Variants in INO80D observed in about 807,000 individuals in gnomAD.
INO80D encodes the protein INO80 complex subunit D.
Under a neutral mutation model 87.6 loss-of-function variants are expected in INO80D, and 21 were observed. That is an observed-to-expected ratio of 0.24 (90% CI 0.17 to 0.35). The LOEUF (loss-of-function observed/expected upper bound fraction) is 0.35. INO80D is among the 10% of genes least tolerant of loss of function. The pLI is 1.00. For synonymous variants in INO80D, 440 were observed against 491.0 expected, an observed-to-expected ratio of 0.90 and a Z score of 1.37; for missense variants, 982 against 1,280.7, an observed-to-expected ratio of 0.77 and a Z score of 3.56.
intron 6 of INO80D, among the ~76,000 whole-genome samples, chr2:206,020,485 TG>T (rs1257924766): frequency 6.6e-6 from 1 of 152,184 alleles, no homozygotes; most frequent in Non-Finnish European, 1.5e-5. Context: ...ATCTCATACA[TG>T]GGGAAGAGGA....
At chr2:206,023,535 T>A in intron 6 of INO80D, among the ~76,000 whole-genome samples, 1 of 151,790 alleles carries the variant, frequency 6.6e-6, no homozygotes. Context: ...TACAAAAAAT[T>A]AGCCGGGCAT....
Position 206,019,747 on chromosome 2 carries a change from T to A in INO80D, c.1397A>T (p.His466Leu). The change falls in exon 7 of 11, where the codon CAT (histidine) becomes CTT (leucine). Residue 466 changes from histidine (H) to leucine (L), a missense_variant. Physicochemically the swap from His to Leu is moderately conservative, Grantham distance 99. Transcript: ENST00000403263. ...AGTTGAAAGGATACGTTGGAAACAA[T>A]GTCTGGTGAATGGAAGGGCTTTGTT... ...CANKALPFTR[H>L]CFQHILLNHS... 3 of 1,613,324 alleles carry A rather than the reference T, an allele frequency of 1.9e-6. No individual in the cohort carries two copies. Among genetic ancestry groups the A allele is most frequent in the Non-Finnish European group, 2.5e-6 (3 of 1,179,446 alleles).
chr2:205,997,612 GCTGT>G lies in INO80D; in HGVS notation c.*6752_*6755del, dbSNP rs1687831665. On this transcript the variant is annotated 3_prime_UTR_variant, in exon 11 of 11. Coordinates refer to ENST00000403263, the MANE Select transcript of INO80D (RefSeq NM_017759.5). Reference sequence around the variant, plus strand: ...TAGATAAACACAGCTCATGTCTGGGGCTGTCTGTCTCCCTCTCTTATTTTTATGC... The same window carrying G: ...TAGATAAACACAGCTCATGTCTGGGGCTGTCTCCCTCTCTTATTTTTATGC... 1 of 152,096 alleles carries G rather than the reference GCTGT, an allele frequency of 6.6e-6. No homozygotes were observed. Among genetic ancestry groups the G allele is most frequent in the Non-Finnish European group, 1.5e-5 (1 of 67,978 alleles). 9.4% of individuals were successfully genotyped at this position (152,096 alleles called of 1,614,324 possible). A position where few individuals can be genotyped will look rare whatever the true frequency, so the allele number is the denominator to read the frequency against.
At chr2:206,072,692 C>T (rs1690007141) in intron 1 of INO80D, among the ~76,000 whole-genome samples, 1 of 152,166 alleles carries the variant, frequency 6.6e-6, no homozygotes, top group African/African-American at 2.4e-5. Context: ...ATAGAGATCT[C>T]AGTACTTGCT....
At chr2:206,071,179 G>A (rs527450932) in intron 1 of INO80D, among the ~76,000 whole-genome samples, 5 of 144,046 alleles carry the variant, frequency 3.5e-5, no homozygotes, top group East Asian at 2.2e-4. Flanking sequence ...GGCTGGTCTC[G>A]AACTTGTGAC....
At chr2:206,007,682 C>T (rs1688061454) in intron 9 of INO80D, among the ~76,000 whole-genome samples, 1 of 151,888 alleles carries the variant, frequency 6.6e-6, no homozygotes, top group Admixed American at 6.6e-5. Context: ...ATTAGCTGGG[C>T]ATGGTGGTGC....
chr2:206,082,372 T>G (rs1346348933), intron 1 of INO80D, among the ~76,000 whole-genome samples: 1 of 152,210 alleles, frequency 6.6e-6, no homozygotes, highest in Non-Finnish European at 1.5e-5. Context: ...GAGAACCAAG[T>G]AGTCTGTCAC....
At chr2:206,005,567 G>A in intron 10 of INO80D, 34 bp from the exon 11 acceptor site, 3 of 1,474,836 alleles carry the variant, frequency 2.0e-6, no homozygotes, top group Non-Finnish European at 2.8e-6. Context: ...AATCAGTAGA[G>A]CTTTTACCAG....
chr2:206,080,724 G>C (rs10170685), intron 1 of INO80D, among the ~76,000 whole-genome samples: 1 of 151,450 alleles, frequency 6.6e-6, no homozygotes, highest in East Asian at 2.0e-4. Context: ...TGGCTAACAC[G>C]GTGAAACCCC....
chr2:206,015,382 C>A (rs557342877), intron 8 of INO80D, among the ~76,000 whole-genome samples: 17 of 152,286 alleles, frequency 1.1e-4, no homozygotes, highest in Non-Finnish European at 2.2e-4. Context: ...AAACCCAGGG[C>A]TCCCGTGCTC....
intron 1 of INO80D, among the ~76,000 whole-genome samples, chr2:206,066,269 A>C (rs1381997310): frequency 6.6e-6 from 1 of 152,062 alleles, no homozygotes; most frequent in Non-Finnish European, 1.5e-5. Flanking sequence ...AAAAAAATAA[A>C]CAAATAAAAT....
At chr2:206,010,843 C>T (rs1214717111) in intron 8 of INO80D, among the ~76,000 whole-genome samples, 1 of 152,050 alleles carries the variant, frequency 6.6e-6, no homozygotes, top group African/African-American at 2.4e-5. Flanking sequence ...CTTTGGGAGC[C>T]GAGGTGGGTG....
chr2:206,032,300 C>T (rs910741188), intron 5 of INO80D, among the ~76,000 whole-genome samples: 1 of 152,178 alleles, frequency 6.6e-6, no homozygotes, highest in Non-Finnish European at 1.5e-5. Context: ...AGTTCTCAAG[C>T]CCTGCTCACC....
chr2:205,997,071 T>A lies in INO80D; in HGVS notation c.*7297A>T, dbSNP rs1229484383. The A allele has an allele frequency of 6.6e-6, 1 of 152,114 alleles. No individual in the cohort carries two copies. Among genetic ancestry groups the A allele is most frequent in the Non-Finnish European group, 1.5e-5 (1 of 67,964 alleles). The allele number at this position is 152,114 out of a possible 1,614,324, so 9.4% of individuals were successfully genotyped here. ...GACAACTACAAATTCAGGTATATTA[T>A]CAGAAGTTGCTTTGACATATTTCAA... On this transcript the variant is annotated 3_prime_UTR_variant, in exon 11 of 11. Transcript: ENST00000403263.
At chr2:206,026,072 A>G (rs371885023) in intron 6 of INO80D, among the ~76,000 whole-genome samples, 8 of 151,746 alleles carry the variant, frequency 5.3e-5, no homozygotes, top group Non-Finnish European at 1.2e-4. Flanking sequence ...TAATTTTTGT[A>G]TTTTTTAGTA....
chr2:206,009,522 TC>T, intron 9 of INO80D, 54 bp downstream of exon 9: 2 of 1,429,184 alleles, frequency 1.4e-6, no homozygotes, highest in South Asian at 2.6e-5. Context: ...AGCTAGATGT[TC>T]TGAGAAGAAT....
intron 5 of INO80D, among the ~76,000 whole-genome samples, chr2:206,030,435 C>A (rs1477313678): frequency 6.6e-6 from 1 of 151,574 alleles, no homozygotes; most frequent in Admixed American, 6.6e-5. Context: ...TGCACTCCAT[C>A]CTGGGTGACA....
intron 5 of INO80D, among the ~76,000 whole-genome samples, chr2:206,038,409 A>T (rs1688946768): frequency 6.6e-6 from 1 of 152,256 alleles, no homozygotes; most frequent in South Asian, 2.1e-4. Flanking sequence ...AGATACTCTA[A>T]CAGAACTTGT....
intron 5 of INO80D, among the ~76,000 whole-genome samples, chr2:206,043,321 A>C (rs1689103564): frequency 6.6e-6 from 1 of 151,364 alleles, no homozygotes. Context: ...ACAGGTGTGC[A>C]CCACCACACC....
Sources: allele counts gnomAD v4.1 joint callset (sites outside exome capture counted in the v4.1 genomes callset), GRCh38; gene constraint gnomAD v4.1.1; transcripts MANE v1.5; gene names NCBI Gene and HGNC (gene_info 2026-07-23, HGNC 2026-07-21).